Variants in TAFA2 observed in about 807,000 individuals in gnomAD.
TAFA2 encodes the protein chemokine-like protein TAFA-2.
TAFA2 carries 7 observed loss-of-function variants against 18.8 expected under a neutral mutation model. That is an observed-to-expected ratio of 0.37 (90% CI 0.21 to 0.70). TAFA2 has a LOEUF of 0.70. Among genes scored for constraint, TAFA2 ranks in the 30% least tolerant of loss-of-function variants. TAFA2 has a pLI of 0.53. For missense variants in TAFA2, 122 were observed against 158.1 expected, an observed-to-expected ratio of 0.77 and a Z score of 1.23; for synonymous variants, 60 against 54.2, an observed-to-expected ratio of 1.11 and a Z score of -0.47.
At chr12:61,824,316 A>G (rs980155818) in intron 2 of TAFA2, among the ~76,000 whole-genome samples, 10 of 152,150 alleles carry the variant, frequency 6.6e-5, no homozygotes, top group African/African-American at 2.4e-4. Flanking sequence ...GCAATGCCAT[A>G]CCTGGACTCC....
chr12:61,967,504 T>C lies in TAFA2; in HGVS notation c.-1-100078A>G, dbSNP rs1018494025. On this transcript the variant is annotated intron_variant, in intron 1 of 4. Coordinates refer to ENST00000416284, the MANE Select transcript of TAFA2 (RefSeq NM_178539.5). Reference sequence around the variant, plus strand: ...CACTCCCATTGTTTGTCCTATCCATTTGTCCATTTGAATAAAACACGTCCA... The same window carrying C: ...CACTCCCATTGTTTGTCCTATCCATCTGTCCATTTGAATAAAACACGTCCA... Among the ~76,000 whole-genome samples, 3 of 151,890 alleles carry C rather than the reference T, an allele frequency of 2.0e-5. No homozygotes were observed. The South Asian group carries it at 6.2e-4, about 31-fold the overall frequency.
intron 1 of TAFA2, among the ~76,000 whole-genome samples, chr12:61,889,809 C>T (rs889513784): frequency 1.3e-5 from 2 of 152,118 alleles, no homozygotes; most frequent in African/African-American, 4.8e-5. Context: ...GTTTTGTCTG[C>T]CCCAAATGTT....
chr12:62,106,534 A>T (rs773778640), intron 1 of TAFA2, among the ~76,000 whole-genome samples: 3 of 152,148 alleles, frequency 2.0e-5, no homozygotes, highest in Non-Finnish European at 4.4e-5. Flanking sequence ...CCTGACTTGA[A>T]TTTTAATTCT....
intron 1 of TAFA2, among the ~76,000 whole-genome samples, chr12:62,156,430 C>T (rs537977448): frequency 6.6e-6 from 1 of 152,232 alleles, no homozygotes; most frequent in Admixed American, 6.5e-5. Flanking sequence ...CTTGATCCAG[C>T]AATCCCACTA....
At chr12:61,960,049 T>G (rs1440420416) in intron 1 of TAFA2, among the ~76,000 whole-genome samples, 2 of 152,034 alleles carry the variant, frequency 1.3e-5, no homozygotes, top group African/African-American at 4.8e-5. Context: ...TTGCAGCACA[T>G]TTTTATCAAA....
intron 1 of TAFA2, among the ~76,000 whole-genome samples, chr12:62,090,755 T>C (rs1379930393): frequency 6.6e-6 from 1 of 152,102 alleles, no homozygotes; most frequent in Non-Finnish European, 1.5e-5. Flanking sequence ...TCATTTTCCA[T>C]GGAAAATATT....
intron 1 of TAFA2, among the ~76,000 whole-genome samples, chr12:62,200,615 T>C (rs2062667222): frequency 6.6e-6 from 1 of 152,198 alleles, no homozygotes; most frequent in Non-Finnish European, 1.5e-5. Flanking sequence ...TGGTCTATTG[T>C]CTGTTTTTGT....
chr12:61,872,499 T>A (rs1187466455), intron 1 of TAFA2, among the ~76,000 whole-genome samples: 1 of 152,134 alleles, frequency 6.6e-6, no homozygotes, highest in East Asian at 1.9e-4. Context: ...TTATAAAATG[T>A]AAATCAAATC....
At chr12:62,135,588 C>A (rs1870862566) in intron 1 of TAFA2, among the ~76,000 whole-genome samples, 1 of 151,702 alleles carries the variant, frequency 6.6e-6, no homozygotes, top group South Asian at 2.1e-4. Flanking sequence ...TAGAAAAAAA[C>A]AGGTAATAAA....
intron 1 of TAFA2, among the ~76,000 whole-genome samples, chr12:62,188,490 A>T (rs2062600488): frequency 6.6e-6 from 1 of 152,188 alleles, no homozygotes; most frequent in Non-Finnish European, 1.5e-5. Context: ...GTAAATGTTC[A>T]TCAGTTTGCA....
At chr12:61,753,469 G>GA (rs1379418915) in intron 4 of TAFA2, among the ~76,000 whole-genome samples, 153 bp downstream of exon 4, 1 of 152,044 alleles carries the variant, frequency 6.6e-6, no homozygotes, top group South Asian at 2.1e-4. Flanking sequence ...AATGTTTTAT[G>GA]AAAAAAGCGA....
At chr12:62,246,222 G>A (rs1363334831) in intron 1 of TAFA2, among the ~76,000 whole-genome samples, 2 of 152,108 alleles carry the variant, frequency 1.3e-5, no homozygotes, top group Non-Finnish European at 2.9e-5. Context: ...TCCTGACCTC[G>A]TGATCTGCCC....
intron 1 of TAFA2, among the ~76,000 whole-genome samples, chr12:61,958,004 A>G (rs990130126): frequency 6.6e-6 from 1 of 152,060 alleles, no homozygotes; most frequent in Admixed American, 6.6e-5. Flanking sequence ...CATCTACAAT[A>G]GCATCTCACC....
chr12:62,203,960 T>C (rs941203659), intron 1 of TAFA2, among the ~76,000 whole-genome samples: 3 of 152,312 alleles, frequency 2.0e-5, no homozygotes, highest in Non-Finnish European at 2.9e-5. Context: ...TGTGGTTTTG[T>C]AGTGGCTGGT....
intron 1 of TAFA2, among the ~76,000 whole-genome samples, chr12:62,076,549 T>C (rs1189438920): frequency 2.6e-5 from 4 of 152,164 alleles, no homozygotes; most frequent in Admixed American, 2.0e-4. Context: ...CTCACTACTC[T>C]TCCAAATTCC....
At chr12:61,918,141 A>G (rs1876905618) in intron 1 of TAFA2, among the ~76,000 whole-genome samples, 1 of 152,126 alleles carries the variant, frequency 6.6e-6, no homozygotes, top group African/African-American at 2.4e-5. Flanking sequence ...CACCTCAAGC[A>G]TTTATTCTTT....
intron 1 of TAFA2, among the ~76,000 whole-genome samples, chr12:61,986,864 G>C (rs1879838006): frequency 6.6e-6 from 1 of 152,158 alleles, no homozygotes. Context: ...AATAGGACTT[G>C]ACAGAAGCAA....
chr12:61,717,396 C>T (rs1869708632), intron 4 of TAFA2, among the ~76,000 whole-genome samples: 1 of 152,038 alleles, frequency 6.6e-6, no homozygotes, highest in Non-Finnish European at 1.5e-5. Flanking sequence ...GAAAATTAAG[C>T]CTATATTTTA....
chr12:62,135,685 C>T (rs1350086094), intron 1 of TAFA2: 1 of 151,930 alleles, frequency 6.6e-6, no homozygotes, highest in African/African-American at 2.4e-5. Flanking sequence ...ACTGATTTAC[C>T]ATCTCTGAAT....
Sources: gnomAD v4.1 joint callset for allele counts (sites outside exome capture counted in the v4.1 genomes callset) on GRCh38, gnomAD v4.1.1 for gene constraint, MANE v1.5 for transcripts, NCBI Gene and HGNC (gene_info 2026-07-23, HGNC 2026-07-21) for gene names.